Variants in CAPZB observed in about 807,000 individuals in gnomAD.
CAPZB encodes F-actin-capping protein subunit beta.
Under a neutral mutation model 38.1 loss-of-function variants are expected in CAPZB, and 2 were observed. The observed-to-expected ratio is 0.05, with a 90% CI of 0.02 to 0.17. The LOEUF (loss-of-function observed/expected upper bound fraction) is 0.17, where lower values mean the gene tolerates loss of function less well. Among genes scored for constraint, CAPZB ranks in the 10% least tolerant of loss-of-function variants. The pLI is 1.00. For missense variants in CAPZB, 161 were observed against 334.2 expected (o/e 0.48, Z 4.04); for synonymous variants, 107 against 127.4 (o/e 0.84, Z 1.08).
At chr1:19,405,166 T>C (rs547628719) in intron 2 of CAPZB, among the ~76,000 whole-genome samples, 2 of 152,286 alleles carry the variant, frequency 1.3e-5, no homozygotes, top group Admixed American at 6.5e-5. Context: ...GAATGTCTAA[T>C]GTGGACTCCC....
At chr1:19,477,823 G>A (rs747971752) in intron 1 of CAPZB, among the ~76,000 whole-genome samples, 2 of 152,156 alleles carry the variant, frequency 1.3e-5, no homozygotes, top group Admixed American at 6.5e-5. Flanking sequence ...GGGCCCAAGC[G>A]ATCCTCCCAC....
intron 1 of CAPZB, among the ~76,000 whole-genome samples, chr1:19,481,582 T>A (rs903460859): frequency 3.9e-5 from 6 of 152,184 alleles, no homozygotes; most frequent in Non-Finnish European, 8.8e-5. Context: ...GATCCTCGGG[T>A]ACCCGGGTTG....
intron 3 of CAPZB, among the ~76,000 whole-genome samples, chr1:19,382,517 T>C (rs556387992): frequency 7.9e-5 from 12 of 152,058 alleles, no homozygotes; most frequent in Non-Finnish European, 1.5e-4. Context: ...TGGAAATCTG[T>C]GGACAGAATC....
At position 19,368,245 on chromosome 1, in the gene CAPZB, C is replaced by T. The variant is rs117661548; in HGVS notation, c.329+10295G>A. On this transcript the variant is annotated intron_variant, in intron 4 of 8. Transcript: ENST00000264202. ...GCCAGGCTGCCTGGCCATCCTGAGA[C>T]GTGCCAGCTGTGGTGGGATGGAGCG... is the stretch of plus-strand genomic sequence containing the variant. 7.0e-3 allele frequency among the ~76,000 whole-genome samples: 1,066 copies of T among 152,228 alleles called. 14 individuals carry two copies. Among genetic ancestry groups the T allele is most frequent in the South Asian group, 0.021 (102 of 4,822 alleles).
At chr1:19,422,324 C>T (rs949968075) in intron 1 of CAPZB, among the ~76,000 whole-genome samples, 3 of 152,136 alleles carry the variant, frequency 2.0e-5, no homozygotes, top group African/African-American at 4.8e-5. Context: ...AAGAATCACC[C>T]GGCCCAAACG....
chr1:19,455,210 A>T (rs372852615), intron 1 of CAPZB, among the ~76,000 whole-genome samples: 11 of 152,226 alleles, frequency 7.2e-5, no homozygotes, highest in East Asian at 3.9e-4. Context: ...AAAGGGGTCC[A>T]TCTAAAAAAT....
chr1:19,386,370 C>G (rs2094204196), intron 2 of CAPZB, among the ~76,000 whole-genome samples: 1 of 152,236 alleles, frequency 6.6e-6, no homozygotes, highest in African/African-American at 2.4e-5. Context: ...ACCAAAATAT[C>G]CCAGAAAGGG....
At chr1:19,402,062 C>T (rs991427104) in intron 2 of CAPZB, among the ~76,000 whole-genome samples, 3 of 152,202 alleles carry the variant, frequency 2.0e-5, no homozygotes, top group Non-Finnish European at 4.4e-5. Flanking sequence ...ATAAGGGTGA[C>T]AGGATCAGGA....
chr1:19,384,346 G>C (rs2094193084), intron 3 of CAPZB, among the ~76,000 whole-genome samples: 1 of 152,068 alleles, frequency 6.6e-6, no homozygotes, highest in Non-Finnish European at 1.5e-5. Flanking sequence ...CTCTTCCCCA[G>C]ACCTGGACCT....
chr1:19,358,131 A>C (rs2094031989), intron 4 of CAPZB, among the ~76,000 whole-genome samples: 1 of 152,174 alleles, frequency 6.6e-6, no homozygotes, highest in African/African-American at 2.4e-5. Flanking sequence ...CGCAATGCAA[A>C]AACATCTTTT....
At chr1:19,433,247 C>T (rs113743270) in intron 1 of CAPZB, among the ~76,000 whole-genome samples, 14 of 152,344 alleles carry the variant, frequency 9.2e-5, no homozygotes, top group African/African-American at 3.4e-4. Flanking sequence ...GGATGCCGTA[C>T]ATGTTGTCCA....
chr1:19,411,870 C>CACT (rs1219059412), intron 2 of CAPZB, among the ~76,000 whole-genome samples: 1 of 152,166 alleles, frequency 6.6e-6, no homozygotes, highest in Non-Finnish European at 1.5e-5. Context: ...TCAGAGGCTG[C>CACT]ACTACTAGGT....
At chr1:19,363,980 A>T (rs2094069210) in intron 4 of CAPZB, among the ~76,000 whole-genome samples, 1 of 152,190 alleles carries the variant, frequency 6.6e-6, no homozygotes, top group African/African-American at 2.4e-5. Context: ...TCTAGGGTTC[A>T]CTGAGACATG....
intron 1 of CAPZB, among the ~76,000 whole-genome samples, chr1:19,464,630 C>A (rs1379058386): frequency 1.3e-5 from 2 of 152,114 alleles, no homozygotes; most frequent in Non-Finnish European, 2.9e-5. Context: ...CTCTCAACAT[C>A]CAAAAACTGG....
chr1:19,391,523 G>A (rs978600877), intron 2 of CAPZB, among the ~76,000 whole-genome samples: 1 of 152,210 alleles, frequency 6.6e-6, no homozygotes, highest in African/African-American at 2.4e-5. Context: ...AGAGGGCTCT[G>A]TGACAATTTG....
chr1:19,473,731 G>A (rs2094597526), intron 1 of CAPZB, among the ~76,000 whole-genome samples: 1 of 152,168 alleles, frequency 6.6e-6, no homozygotes, highest in South Asian at 2.1e-4. Flanking sequence ...GGGCATAGTG[G>A]CACGTGCCTG....
intron 4 of CAPZB, among the ~76,000 whole-genome samples, chr1:19,375,746 T>C (rs938968455): frequency 6.6e-6 from 1 of 152,126 alleles, no homozygotes; most frequent in African/African-American, 2.4e-5. Context: ...GCGTGAAGAG[T>C]GAGGCCTTAG....
rs2093974472 is a variant in CAPZB, at chr1:19,348,524, T to C, written c.589-3272A>G. Among the ~76,000 whole-genome samples, 11 of 152,114 alleles carry C rather than the reference T, an allele frequency of 7.2e-5. No individual in the cohort carries two copies. The South Asian group carries it at 2.1e-3, about 29-fold the overall frequency. On this transcript the variant is annotated intron_variant, in intron 6 of 8. Transcript: ENST00000264202. ...TGGGTGGGGAGGGATGTGTGTGTGC[T>C]AGGGGAGACACAAGAGATTCTGGCA...
At chr1:19,353,306 G>A (rs2094002000) in intron 6 of CAPZB, among the ~76,000 whole-genome samples, 1 of 152,152 alleles carries the variant, frequency 6.6e-6, no homozygotes, top group South Asian at 2.1e-4. Context: ...TGGGTGACCT[G>A]GATGAGGCCA....
Sources: allele counts gnomAD v4.1 joint callset (sites outside exome capture counted in the v4.1 genomes callset), GRCh38; gene constraint gnomAD v4.1.1; transcripts MANE v1.5; gene names NCBI Gene and HGNC (gene_info 2026-07-23, HGNC 2026-07-21).